FSTL4: variants seen among roughly 807,000 people sequenced by gnomAD.
The protein encoded by FSTL4 is follistatin-related protein 4.
FSTL4 carries 28 observed loss-of-function variants against 78.2 expected under a neutral mutation model. The observed-to-expected ratio is 0.36, with a 90% CI of 0.27 to 0.49. The LOEUF is 0.49. FSTL4 is among the 20% of genes least tolerant of loss of function. The pLI is 0.98. For synonymous variants in FSTL4, 422 were observed against 440.5 expected, an observed-to-expected ratio of 0.96 and a Z score of 0.53; for missense variants, 922 against 1,084.9, an observed-to-expected ratio of 0.85 and a Z score of 2.11.
At chr5:133,363,297 T>A (rs1223783501) in intron 4 of FSTL4, among the ~76,000 whole-genome samples, 1 of 151,938 alleles carries the variant, frequency 6.6e-6, no homozygotes, top group African/African-American at 2.4e-5. Context: ...TGAGTGGGGG[T>A]GTTCCAGGAG....
the FSTL4 span, among the ~76,000 whole-genome samples, chr5:133,677,085 T>C: frequency 6.6e-6 from 1 of 152,350 alleles, no homozygotes; most frequent in East Asian, 1.9e-4. Context: ...ACAAATTTAG[T>C]CTTTGGAAAA....
At chr5:133,219,813 G>C (rs1473940115) in intron 12 of FSTL4, among the ~76,000 whole-genome samples, 2 of 152,212 alleles carry the variant, frequency 1.3e-5, no homozygotes, top group Admixed American at 6.5e-5. Context: ...TGAGAAATTT[G>C]TGCCAATGTG....
intron 3 of FSTL4, among the ~76,000 whole-genome samples, chr5:133,450,365 G>A (rs1368494334): frequency 6.6e-6 from 1 of 152,204 alleles, no homozygotes; most frequent in African/African-American, 2.4e-5. Flanking sequence ...TCAGGAGCTG[G>A]GAGGCTCAGC....
At chr5:133,375,313 A>ATATATATATATATATATATATAC (rs1354744825) in intron 4 of FSTL4, among the ~76,000 whole-genome samples, 1 of 31,058 alleles carries the variant, frequency 3.2e-5, no homozygotes, top group African/African-American at 6.9e-5. Context: ...TATATATATA[A>ATATATATATATATATATATATAC]AAGACTCTAA....
intron 8 of FSTL4, among the ~76,000 whole-genome samples, chr5:133,228,084 G>A (rs181969216): frequency 2.2e-4 from 33 of 152,176 alleles, no homozygotes; most frequent in East Asian, 1.4e-3. Flanking sequence ...AACATTAGCC[G>A]GGTGTGGTGG....
rs191363910 is a variant in FSTL4, at chr5:133,527,895, C to G, written c.160+39291G>C. 2.1e-3 allele frequency among the ~76,000 whole-genome samples: 315 copies of G among 152,276 alleles called. 1 individual carries two copies. The highest frequency in any genetic ancestry group is 7.1e-3 in the African/African-American group (296 of 41,544). Reference sequence around the variant, plus strand: ...ACATGGCAGCCTTGGCCTTGCTTGGCTTCCCACCCCCAAGGAACACTGGGC... The same window carrying G: ...ACATGGCAGCCTTGGCCTTGCTTGGGTTCCCACCCCCAAGGAACACTGGGC... On this transcript the variant is annotated intron_variant, in intron 3 of 15. Transcript: ENST00000265342.
chr5:133,405,813 G>C (rs1194762445), intron 3 of FSTL4, among the ~76,000 whole-genome samples: 1 of 152,214 alleles, frequency 6.6e-6, no homozygotes, highest in Non-Finnish European at 1.5e-5. Context: ...GCAGAGGCCC[G>C]ACGCTCCAGT....
chr5:133,332,084 A>G (rs1754362101), intron 4 of FSTL4, among the ~76,000 whole-genome samples: 1 of 152,154 alleles, frequency 6.6e-6, no homozygotes, highest in Non-Finnish European at 1.5e-5. Flanking sequence ...CTGCCGAGGG[A>G]GGGTTGGCAG....
the FSTL4 span, among the ~76,000 whole-genome samples, chr5:133,744,915 C>T: frequency 6.6e-6 from 1 of 152,174 alleles, no homozygotes; most frequent in African/African-American, 2.4e-5. Context: ...TACTCCCATA[C>T]CTGGTCTGCA....
intron 11 of FSTL4, among the ~76,000 whole-genome samples, chr5:133,223,576 G>A (rs1167248048): frequency 6.6e-6 from 1 of 152,162 alleles, no homozygotes; most frequent in Non-Finnish European, 1.5e-5. Flanking sequence ...CAGTGACTCA[G>A]GCTCTGCCAC....
chr5:133,688,776 T>A, the FSTL4 span, among the ~76,000 whole-genome samples: 1 of 152,360 alleles, frequency 6.6e-6, no homozygotes, highest in Non-Finnish European at 1.5e-5. Flanking sequence ...ACAGTTCTGA[T>A]GACCTGCAAG....
At chr5:133,537,764 G>A (rs777982752) in intron 3 of FSTL4, among the ~76,000 whole-genome samples, 2 of 150,308 alleles carry the variant, frequency 1.3e-5, no homozygotes, top group Non-Finnish European at 3.0e-5. Flanking sequence ...TGCCCCATTT[G>A]CTTATCATTT....
chr5:133,632,357 A>G, the FSTL4 span, among the ~76,000 whole-genome samples: 2 of 152,278 alleles, frequency 1.3e-5, no homozygotes, highest in South Asian at 4.1e-4. Context: ...TAATTTAGAA[A>G]ACTCAGGAGG....
At chr5:133,337,807 A>G (rs1754497745) in intron 4 of FSTL4, among the ~76,000 whole-genome samples, 1 of 152,242 alleles carries the variant, frequency 6.6e-6, no homozygotes, top group Non-Finnish European at 1.5e-5. Context: ...GAAAGCAAAC[A>G]TAAGAGCTGG....
chr5:133,405,247 G>C (rs1034721839), intron 3 of FSTL4, among the ~76,000 whole-genome samples: 8 of 152,212 alleles, frequency 5.3e-5, no homozygotes, highest in African/African-American at 1.9e-4. Context: ...GCTTGGCTCT[G>C]AGGAGGCAGT....
chr5:133,609,167 G>C (rs1007866106), intron 1 of FSTL4, among the ~76,000 whole-genome samples: 8 of 152,162 alleles, frequency 5.3e-5, no homozygotes, highest in Admixed American at 1.3e-4. Context: ...AAATTACAAA[G>C]ATGATTTGGC....
At chr5:133,752,314 T>TGA in the FSTL4 span, among the ~76,000 whole-genome samples, 2 of 151,842 alleles carry the variant, frequency 1.3e-5, no homozygotes, top group East Asian at 3.9e-4. Context: ...CCCCTGGGAG[T>TGA]GAGAGAGAGG....
At chr5:133,427,709 G>C in intron 3 of FSTL4, 1 of 513,824 alleles carries the variant, frequency 1.9e-6, no homozygotes, top group Non-Finnish European at 4.1e-6. Flanking sequence ...GACCGTGGCT[G>C]AGTTAGGTTA....
the FSTL4 span, among the ~76,000 whole-genome samples, chr5:133,721,872 T>C: frequency 1.3e-5 from 2 of 152,192 alleles, no homozygotes; most frequent in Admixed American, 1.3e-4. Flanking sequence ...AAGTTTTGTG[T>C]CCCTTTCTCT....
Sources: allele counts gnomAD v4.1 joint callset (sites outside exome capture counted in the v4.1 genomes callset), GRCh38; gene constraint gnomAD v4.1.1; transcripts MANE v1.5; gene names NCBI Gene and HGNC (gene_info 2026-07-23, HGNC 2026-07-21).